Variants in RBMS3 observed in about 807,000 individuals in gnomAD.
The protein encoded by RBMS3 is RNA-binding motif, single-stranded-interacting protein 3.
In RBMS3, 27 loss-of-function variants were observed where a neutral mutation model predicts 66.8. The ratio of observed to expected loss-of-function variants is 0.40; its 90% confidence interval spans 0.30 to 0.56. RBMS3 has a LOEUF of 0.56. Ranked by LOEUF, RBMS3 falls within the 20% of genes least tolerant of loss-of-function variation. RBMS3 has a pLI of 0.40. For synonymous variants in RBMS3, 188 were observed against 183.0 expected, an observed-to-expected ratio of 1.03 and a Z score of -0.22; for missense variants, 513 against 549.5, an observed-to-expected ratio of 0.93 and a Z score of 0.66.
chr3:29,546,578 A>G (rs1576186489), intron 3 of RBMS3, among the ~76,000 whole-genome samples: 1 of 152,358 alleles, frequency 6.6e-6, no homozygotes, highest in South Asian at 2.1e-4. Context: ...AGACTTTATT[A>G]CAGTTCTGGA....
Position 29,392,056 on chromosome 3 carries a change from C to G in RBMS3, c.76-42687C>G, listed in dbSNP as rs537241793. ...CTTGAGGTCAGGAGTTCAAGACCAA[C>G]TTGGGCAACATGGTGAAACCCCATC... On this transcript the variant is annotated intron_variant, in intron 1 of 14. Coordinates refer to ENST00000383767, the MANE Select transcript of RBMS3 (RefSeq NM_001003793.3). 7.9e-5 allele frequency among the ~76,000 whole-genome samples: 12 copies of G among 152,128 alleles called. No homozygotes were observed. In the East Asian group the frequency reaches 9.7e-4, roughly 12 times the overall value.
intron 10 of RBMS3, chr3:29,927,095 G>A (rs140216084): frequency 6.6e-6 from 1 of 152,188 alleles, no homozygotes; most frequent in South Asian, 2.1e-4. Context: ...TTCCTTGGGT[G>A]GGGTGTGGCT....
At chr3:29,947,205 A>C (rs913504074) in intron 12 of RBMS3, among the ~76,000 whole-genome samples, 2 of 151,594 alleles carry the variant, frequency 1.3e-5, no homozygotes, top group Non-Finnish European at 3.0e-5. Flanking sequence ...AGTTTGAATC[A>C]TGGGAGCAGG....
At chr3:29,720,716 G>A in intron 4 of RBMS3, among the ~76,000 whole-genome samples, 1 of 147,178 alleles carries the variant, frequency 6.8e-6, no homozygotes, top group Non-Finnish European at 1.5e-5. Flanking sequence ...GTGTGTGTGT[G>A]AGTGTGTGTG....
At chr3:29,537,161 A>T (rs2149003929) in intron 3 of RBMS3, among the ~76,000 whole-genome samples, 1 of 152,320 alleles carries the variant, frequency 6.6e-6, no homozygotes, top group African/African-American at 2.4e-5. Context: ...GGAATGAAAG[A>T]GAAGGTAAAA....
At chr3:29,304,068 G>T (rs1378241549) in intron 1 of RBMS3, among the ~76,000 whole-genome samples, 1 of 151,962 alleles carries the variant, frequency 6.6e-6, no homozygotes, top group Admixed American at 6.6e-5. Flanking sequence ...GGAACTGTAG[G>T]AGTACAATTC....
At chr3:29,648,605 C>G (rs1274935090) in intron 4 of RBMS3, among the ~76,000 whole-genome samples, 1 of 152,022 alleles carries the variant, frequency 6.6e-6, no homozygotes, top group African/African-American at 2.4e-5. Context: ...TTAACATGAA[C>G]TCACGGCTTA....
At chr3:29,587,570 A>G (rs917639474) in intron 4 of RBMS3, among the ~76,000 whole-genome samples, 2 of 151,566 alleles carry the variant, frequency 1.3e-5, no homozygotes, top group Non-Finnish European at 2.9e-5. Flanking sequence ...GTCTGTGTGT[A>G]TGTGTCTTGG....
chr3:29,867,739 A>G (rs979829743), intron 6 of RBMS3, among the ~76,000 whole-genome samples: 2 of 151,522 alleles, frequency 1.3e-5, no homozygotes, highest in African/African-American at 4.9e-5. Context: ...GGGCTCCACA[A>G]TATTATATAG....
At chr3:29,700,198 T>A (rs889485353) in intron 4 of RBMS3, among the ~76,000 whole-genome samples, 1 of 152,226 alleles carries the variant, frequency 6.6e-6, no homozygotes, top group African/African-American at 2.4e-5. Context: ...CTTTTCAGTA[T>A]CTGCCAGTAG....
At chr3:29,903,796 A>G (rs2149615174) in intron 10 of RBMS3, among the ~76,000 whole-genome samples, 1 of 152,114 alleles carries the variant, frequency 6.6e-6, no homozygotes, top group East Asian at 1.9e-4. Context: ...ATTCTAAGAA[A>G]TGCAAGATGC....
intron 4 of RBMS3, among the ~76,000 whole-genome samples, chr3:29,639,443 A>T (rs1420742853): frequency 1.3e-5 from 2 of 151,852 alleles, no homozygotes; most frequent in Non-Finnish European, 2.9e-5. Context: ...AACTTTGGAA[A>T]CATCACACTA....
intron 4 of RBMS3, among the ~76,000 whole-genome samples, chr3:29,681,715 T>C (rs1213633768): frequency 6.6e-6 from 1 of 152,244 alleles, no homozygotes; most frequent in African/African-American, 2.4e-5. Context: ...TAGTATTCCA[T>C]GGTGTATATG....
At chr3:29,936,049 G>T (rs770864949) in intron 10 of RBMS3, 37 bp from the exon 11 acceptor site, 24 of 1,512,016 alleles carry the variant, frequency 1.6e-5, no homozygotes, top group Non-Finnish European at 1.9e-5. Context: ...CTTCCTTGTA[G>T]GATATATTTT....
chr3:29,619,065 T>C (rs186325573), intron 4 of RBMS3, among the ~76,000 whole-genome samples: 17 of 151,836 alleles, frequency 1.1e-4, no homozygotes, highest in Middle Eastern at 3.4e-3. Flanking sequence ...TCGAAAATGA[T>C]AGGGAAGTGA....
At chr3:29,983,175 CTTTT>C (rs1009390149) in intron 12 of RBMS3, among the ~76,000 whole-genome samples, 8 of 150,212 alleles carry the variant, frequency 5.3e-5, no homozygotes, top group South Asian at 4.2e-4. Flanking sequence ...CCTTCTTTGT[CTTTT>C]TTTATCTTTG....
At chr3:29,636,093 A>G (rs1416277027) in intron 4 of RBMS3, among the ~76,000 whole-genome samples, 1 of 151,142 alleles carries the variant, frequency 6.6e-6, no homozygotes, top group Non-Finnish European at 1.5e-5. Context: ...GGGAGAAAGA[A>G]TGTACACTGT....
At chr3:29,373,548 G>A (rs1300310089) in intron 1 of RBMS3, among the ~76,000 whole-genome samples, 6 of 152,190 alleles carry the variant, frequency 3.9e-5, no homozygotes, top group Admixed American at 3.3e-4. Context: ...GTGTTGGTTT[G>A]AAAAATGATA....
intron 3 of RBMS3, among the ~76,000 whole-genome samples, chr3:29,550,741 A>C (rs35898): frequency 0.7 from 106,486 of 151,996 alleles, 38,057 homozygotes; most frequent in African/African-American, 0.84. Context: ...AAATGGGAGC[A>C]CTGTGTTTTA....
Sources: gnomAD v4.1 joint callset for allele counts (sites outside exome capture counted in the v4.1 genomes callset) on GRCh38, gnomAD v4.1.1 for gene constraint, MANE v1.5 for transcripts, NCBI Gene and HGNC (gene_info 2026-07-23, HGNC 2026-07-21) for gene names.